PEMT: variants seen among roughly 807,000 people sequenced by gnomAD.
PEMT encodes phosphatidylethanolamine N-methyltransferase.
A neutral mutation model predicts 27.4 loss-of-function variants in PEMT; 23 were observed. The ratio of observed to expected loss-of-function variants is 0.84; its 90% CI spans 0.60 to 1.19. PEMT has a LOEUF of 1.19. Among genes scored for constraint, PEMT ranks in the 50% most tolerant of loss-of-function variants. The pLI, the probability that PEMT is intolerant of heterozygous loss-of-function variation, is 0.00. For synonymous variants in PEMT, 137 were observed against 139.1 expected, an observed-to-expected ratio of 0.98 and a Z score of 0.11; for missense variants, 307 against 310.1, an observed-to-expected ratio of 0.99 and a Z score of 0.07.
At chr17:17,560,535 C>A (rs1372361084) in intron 2 of PEMT, among the ~76,000 whole-genome samples, 1 of 152,218 alleles carries the variant, frequency 6.6e-6, no homozygotes, top group Non-Finnish European at 1.5e-5. Context: ...CTGCCTGGGG[C>A]CCAGAAGCTG....
chr17:17,559,576 G>A (rs558902989), intron 2 of PEMT, among the ~76,000 whole-genome samples: 1 of 152,364 alleles, frequency 6.6e-6, no homozygotes, highest in South Asian at 2.1e-4. Context: ...GGTGCCAAAG[G>A]CTGGTGGGGC....
chr17:17,576,720 G>A (rs190972104), intron 2 of PEMT, among the ~76,000 whole-genome samples, 200 bp downstream of exon 2: 25 of 152,308 alleles, frequency 1.6e-4, no homozygotes, highest in Non-Finnish European at 3.4e-4. Context: ...AGCCTGGGCA[G>A]CCCAATGGCT....
At chr17:17,515,728 G>T (rs1482510129) in intron 3 of PEMT, among the ~76,000 whole-genome samples, 1 of 152,204 alleles carries the variant, frequency 6.6e-6, no homozygotes, top group Non-Finnish European at 1.5e-5. Flanking sequence ...AAAATTAGTG[G>T]ATGGATGAGT....
At chr17:17,553,010 A>G (rs1386152699) in intron 2 of PEMT, among the ~76,000 whole-genome samples, 2 of 152,152 alleles carry the variant, frequency 1.3e-5, no homozygotes, top group Non-Finnish European at 2.9e-5. Context: ...GCCTCCCAGA[A>G]ACCCCAATCG....
At chr17:17,554,139 G>A (rs547863866) in intron 2 of PEMT, among the ~76,000 whole-genome samples, 3 of 152,360 alleles carry the variant, frequency 2.0e-5, no homozygotes, top group South Asian at 4.1e-4. Flanking sequence ...CACCTGCTCC[G>A]TTCTGTCCTC....
At chr17:17,558,739 GACA>G (rs1280406644) in intron 2 of PEMT, among the ~76,000 whole-genome samples, 3 of 148,236 alleles carry the variant, frequency 2.0e-5, no homozygotes, top group African/African-American at 7.4e-5. Context: ...AGCCTGGCTT[GACA>G]ACGGGTTTGT....
At chr17:17,548,272 T>G (rs1305320640) in intron 2 of PEMT, among the ~76,000 whole-genome samples, 2 of 152,238 alleles carry the variant, frequency 1.3e-5, no homozygotes, top group African/African-American at 4.8e-5. Context: ...TGCCCTGGGC[T>G]GGGTAGGCTG....
intron 2 of PEMT, among the ~76,000 whole-genome samples, chr17:17,535,373 C>T (rs1284196681): frequency 1.3e-5 from 2 of 152,050 alleles, no homozygotes; most frequent in Non-Finnish European, 2.9e-5. Context: ...CAAGACCATC[C>T]TGGCCAACGT....
chr17:17,560,313 G>A (rs1478941230), intron 2 of PEMT, among the ~76,000 whole-genome samples: 3 of 152,218 alleles, frequency 2.0e-5, no homozygotes, highest in Non-Finnish European at 2.9e-5. Flanking sequence ...CTGGGAGGCA[G>A]GAGCAGACAC....
chr17:17,547,270 C>T (rs1282381133), intron 2 of PEMT, among the ~76,000 whole-genome samples: 1 of 152,262 alleles, frequency 6.6e-6, no homozygotes, highest in Admixed American at 6.5e-5. Flanking sequence ...CGACCCCTCT[C>T]CACACACAGA....
At chr17:17,543,713 C>A (rs911453518) in intron 2 of PEMT, among the ~76,000 whole-genome samples, 1 of 152,168 alleles carries the variant, frequency 6.6e-6, no homozygotes, top group Non-Finnish European at 1.5e-5. Flanking sequence ...TAGGCATGCA[C>A]CACCACATCC....
intron 4 of PEMT, among the ~76,000 whole-genome samples, chr17:17,510,529 CCA>C (rs1355980594): frequency 6.6e-6 from 1 of 152,182 alleles, no homozygotes; most frequent in African/African-American, 2.4e-5. Flanking sequence ...GGGGCAGGGC[CCA>C]GGACCACTGG....
Position 17,512,560 on chromosome 17 carries a change from C to A in PEMT, c.415G>T (p.Val139Leu). ...GCAAAGAAGCTGGAGAGCACGAGCA[C>A]GACGCCCAGTCCCAGGAGCGCGAGG... ...LGLALLGLGV[V>L]LVLSSFFALG... Residue 139 changes from valine (V) to leucine (L), a missense_variant, in exon 4 of 7, where the codon GTG (valine) becomes TTG (leucine). Val to Leu is a conservative substitution (Grantham distance 32). Coordinates refer to ENST00000255389, the MANE Select transcript of PEMT (RefSeq NM_148172.3). This position sits in a 1 kb window ranked among gnomAD's most constrained non-coding sequence, Gnocchi z 6.3. 6.2e-7 allele frequency: 1 copy of A among 1,608,788 alleles called. No homozygotes were observed. Among genetic ancestry groups the A allele is most frequent in the Non-Finnish European group, 8.5e-7 (1 of 1,177,534 alleles).
chr17:17,522,523 C>A (rs368572787), intron 2 of PEMT, 128 bp from the exon 3 acceptor site: 3 of 665,992 alleles, frequency 4.5e-6, no homozygotes, highest in South Asian at 3.6e-5. Flanking sequence ...AAGAATTACA[C>A]GGGAGCAACA....
chr17:17,562,983 T>C (rs1217179385), intron 2 of PEMT, among the ~76,000 whole-genome samples: 2 of 152,172 alleles, frequency 1.3e-5, no homozygotes, highest in African/African-American at 4.8e-5. Context: ...GACGCTCCCT[T>C]TTCCATGCCT....
At chr17:17,574,096 CCGGCAGCAGCCCACGGAA>C (rs1911401539) in intron 2 of PEMT, among the ~76,000 whole-genome samples, 1 of 151,998 alleles carries the variant, frequency 6.6e-6, no homozygotes, top group Admixed American at 6.6e-5. Context: ...GATACTCTCC[CCGGCAGCAGCCCACGGAA>C]CTGCAACATG....
At chr17:17,535,653 C>T (rs1375287367) in intron 2 of PEMT, among the ~76,000 whole-genome samples, 3 of 151,918 alleles carry the variant, frequency 2.0e-5, no homozygotes, top group South Asian at 4.2e-4. Context: ...AATTTGATGT[C>T]TGGATTTGCT....
At position 17,576,986 on chromosome 17, in the gene PEMT, G is replaced by A. The variant is rs1433057634; in HGVS notation, c.138C>T (p.Asp46=). 2.5e-6 allele frequency: 4 copies of A among 1,613,988 alleles called. No homozygotes were observed. The highest frequency in any genetic ancestry group is 3.4e-6 in the Non-Finnish European group (4 of 1,180,022). Residue 46 remains aspartate, a synonymous_variant, in exon 2 of 7, where the codon GAC becomes GAT. Transcript: ENST00000255389. Reference sequence around the variant, plus strand: ...CAGCCACAAAGCTGGGATCCAGGGGGTCCACGTAGCCCAGCAGCCGGGTCA... The same window carrying A: ...CAGCCACAAAGCTGGGATCCAGGGGATCCACGTAGCCCAGCAGCCGGGTCA... ...CVMTRLLGYV[D]PLDPSFVAAV...
At chr17:17,551,582 C>G (rs75072294) in intron 2 of PEMT, among the ~76,000 whole-genome samples, 4,472 of 152,300 alleles carry the variant, frequency 0.029, 243 homozygotes, top group African/African-American at 0.1. Flanking sequence ...AGGATTCCAA[C>G]TGGCCTGTCA....
Sources: gnomAD v4.1 joint callset for allele counts (sites outside exome capture counted in the v4.1 genomes callset) on GRCh38, gnomAD v4.1.1 for gene constraint, Gnocchi (gnomAD v3.1) non-coding constraint, MANE v1.5 for transcripts, NCBI Gene and HGNC (gene_info 2026-07-23, HGNC 2026-07-21) for gene names.